The following OGFOD3 variants were observed in gnomAD, a reference collection of about 807,000 sequenced individuals.
OGFOD3 encodes 2-oxoglutarate and iron-dependent oxygenase domain-containing protein 3.
Under a neutral mutation model 39.8 loss-of-function variants are expected in OGFOD3, and 35 were observed. The observed-to-expected ratio is 0.88, with a 90% confidence interval of 0.67 to 1.17. The LOEUF is 1.17. Ranked by LOEUF, OGFOD3 falls within the 50% of genes most tolerant of loss-of-function variation. The pLI is 0.00. For synonymous variants in OGFOD3, 200 were observed against 192.0 expected (o/e 1.04, Z -0.34); for missense variants, 438 against 454.5 (o/e 0.96, Z 0.33).
chr17:82,394,151 A>G (rs575398920), intron 8 of OGFOD3, among the ~76,000 whole-genome samples: 150 of 151,634 alleles, frequency 9.9e-4, no homozygotes, highest in African/African-American at 3.5e-3. Flanking sequence ...CACCACGCCC[A>G]GCTAATTTTT....
chr17:82,407,214 G>A (rs1190009098), intron 4 of OGFOD3, among the ~76,000 whole-genome samples: 9 of 151,690 alleles, frequency 5.9e-5, no homozygotes, highest in South Asian at 2.1e-4. Flanking sequence ...GCAGCGAGCC[G>A]AGATCGTGCC....
Position 82,403,102 on chromosome 17 carries a change from G to C in OGFOD3, c.699+835C>G, listed in dbSNP as rs1214665074. Among the ~76,000 whole-genome samples the C allele has an allele frequency of 2.6e-5, 4 of 152,166 alleles. No individual in the cohort carries two copies. The South Asian group carries it at 8.3e-4, about 32-fold the overall frequency. Reference sequence around the variant, plus strand: ...GAAAGATAGAAAGTGGTAAAAGAAGGCTCCCAGAGACAACACAGAGACCTG... The same window carrying C: ...GAAAGATAGAAAGTGGTAAAAGAAGCCTCCCAGAGACAACACAGAGACCTG... On this transcript the variant is annotated intron_variant, in intron 7 of 8. Transcript: ENST00000313056.
chr17:82,412,338 A>T (rs1236673073), intron 2 of OGFOD3, among the ~76,000 whole-genome samples: 1 of 99,566 alleles, frequency 1.0e-5, no homozygotes, highest in Non-Finnish European at 2.0e-5. Context: ...GGGCATGGTT[A>T]TCGGGGCAGG....
intron 2 of OGFOD3, among the ~76,000 whole-genome samples, chr17:82,411,998 A>G (rs1312072314): frequency 6.6e-6 from 1 of 151,620 alleles, no homozygotes; most frequent in Non-Finnish European, 1.5e-5. Context: ...TGAGACCACC[A>G]GAGCAGAAAA....
At chr17:82,394,358 G>C in intron 8 of OGFOD3, 8 of 1,573,880 alleles carry the variant, frequency 5.1e-6, no homozygotes, top group Non-Finnish European at 6.9e-6. Context: ...GACTCAGCAC[G>C]GCAACCAAGG....
intron 7 of OGFOD3, among the ~76,000 whole-genome samples, chr17:82,398,886 C>CT (rs112854665): frequency 0.32 from 46,331 of 142,578 alleles, 8,255 homozygotes; most frequent in Non-Finnish European, 0.37. Flanking sequence ...TTTTTCTTTT[C>CT]TATTTTTTTT....
intron 2 of OGFOD3, among the ~76,000 whole-genome samples, chr17:82,413,138 C>T (rs2052979515): frequency 6.6e-6 from 1 of 152,158 alleles, no homozygotes; most frequent in African/African-American, 2.4e-5. Context: ...TCATTTTATG[C>T]TTTTTTATAA....
intron 3 of OGFOD3, 59 bp downstream of exon 3, chr17:82,411,396 C>G: frequency 6.7e-7 from 1 of 1,485,962 alleles, no homozygotes. Flanking sequence ...GCTTCCCGCC[C>G]TAGCCCCACT....
At chr17:82,394,831 CCAGCCCCCCAGT>C (rs1304674850) in intron 8 of OGFOD3, among the ~76,000 whole-genome samples, 1 of 152,188 alleles carries the variant, frequency 6.6e-6, no homozygotes. Context: ...GCCTGCACCA[CCAGCCCCCCAGT>C]AAAAACCCTG....
rs1415738259 is a variant in OGFOD3 at position 82,411,310 on chromosome 17, G to C, written c.380+145C>G. The C allele has an allele frequency of 4.4e-6, 3 of 684,494 alleles. No homozygotes were observed. In the African/African-American group the frequency reaches 5.4e-5, roughly 12 times the overall value. The allele number at this position is 684,494 out of a possible 1,614,324, so 42.4% of individuals were successfully genotyped here. A position where few individuals can be genotyped will look rare whatever the true frequency, so the allele number is the denominator to read the frequency against. On this transcript the variant is annotated intron_variant, in intron 3 of 8. Coordinates refer to ENST00000313056, the MANE Select transcript of OGFOD3 (RefSeq NM_024648.3). Reference sequence around the variant, plus strand: ...AATCTGCCCGCCTCAGCCTCCCCAAGTGCTGGGATTACAGGCGTGAGCCAC... The same window carrying C: ...AATCTGCCCGCCTCAGCCTCCCCAACTGCTGGGATTACAGGCGTGAGCCAC...
intron 7 of OGFOD3, 76 bp downstream of exon 7, chr17:82,403,861 C>G: frequency 3.3e-6 from 5 of 1,511,102 alleles, no homozygotes; most frequent in Non-Finnish European, 4.4e-6. Context: ...ACCCTGCCCA[C>G]GTGCGCACTC....
At chr17:82,410,354 T>A (rs758929496) in intron 3 of OGFOD3, among the ~76,000 whole-genome samples, 21 of 152,256 alleles carry the variant, frequency 1.4e-4, no homozygotes, top group Non-Finnish European at 2.2e-4. Context: ...CCATTCCACA[T>A]GCTTATCGTC....
intron 2 of OGFOD3, among the ~76,000 whole-genome samples, chr17:82,414,221 T>G (rs8074406): frequency 0.031 from 4,657 of 152,210 alleles, 198 homozygotes; most frequent in African/African-American, 0.097. Context: ...CTGACCTCCT[T>G]ACCTCCCAAC....
intron 7 of OGFOD3, among the ~76,000 whole-genome samples, chr17:82,400,533 G>A (rs1390042424): frequency 6.6e-6 from 1 of 152,112 alleles, no homozygotes; most frequent in African/African-American, 2.4e-5. Context: ...GACAGAATGC[G>A]GTATTCTTAT....
chr17:82,404,001 G>A lies in OGFOD3; in HGVS notation c.635C>T (p.Ser212Phe). The change falls in exon 7 of 9, where the codon TCC (serine) becomes TTC (phenylalanine). Residue 212 changes from serine (S) to phenylalanine (F), a missense_variant. Coordinates refer to ENST00000313056, the MANE Select transcript of OGFOD3 (RefSeq NM_024648.3). This position sits in a 1 kb window ranked among gnomAD's most constrained non-coding sequence, Gnocchi z 4.5. ...CCGCGCTTCCGTGCTGTTTATGCGG[G>A]AGAAGAAGGTGGGCTTGGTCAGATG... ...SLHLTKPTFF[S>F]RINSTEARTA... 2 of 1,611,224 alleles carry A rather than the reference G, an allele frequency of 1.2e-6. No individual in the cohort carries two copies. Among genetic ancestry groups the A allele is most frequent in the Non-Finnish European group, 1.7e-6 (2 of 1,178,968 alleles).
In OGFOD3 at chr17:82,392,511, C is replaced by A; in HGVS notation, c.847G>T (p.Gly283Trp). The change falls in exon 9 of 9, where the codon GGG becomes TGG. Residue 283 changes from glycine (G) to tryptophan (W), a missense_variant. Physicochemically the swap from Gly to Trp is radical, Grantham distance 184. Coordinates refer to ENST00000313056, the MANE Select transcript of OGFOD3 (RefSeq NM_024648.3). The surrounding 1 kb of genome is among the most constrained non-coding windows in gnomAD (Gnocchi z 4.2). ...RAGRVSFFTS[G>W]SENLHRVEKV... ...TCCACGCGGTGTAGGTTCTCGGACC[C>A]CGAGGTGAAGAAGGAGACGCGACCT... 6.3e-7 allele frequency: 1 copy of A among 1,597,890 alleles called. No homozygotes were observed. The highest frequency in any genetic ancestry group is 2.3e-5 in the East Asian group (1 of 44,056).
Position 82,401,807 on chromosome 17 carries a change from A to AAAAAAAAAAAAAACAAAAC in OGFOD3, c.699+2129_699+2130insGTTTTGTTTTTTTTTTTTT, listed in dbSNP as rs1430986580. 2.1e-3 allele frequency among the ~76,000 whole-genome samples: 310 copies of AAAAAAAAAAAAAACAAAAC among 145,794 alleles called. 4 individuals are homozygous for AAAAAAAAAAAAAACAAAAC. Among genetic ancestry groups the AAAAAAAAAAAAAACAAAAC allele is most frequent in the African/African-American group, 7.6e-3 (294 of 38,940 alleles). The stretch of plus-strand genomic sequence containing the variant: ...TGGCAGAGCAAGACTCCATCTCAAA[A>AAAAAAAAAAAAAACAAAAC]AAAAAAAAAAAAAAAACAAAGACTG... On this transcript the variant is annotated intron_variant, in intron 7 of 8. Transcript: ENST00000313056.
rs2052813433 is a variant in OGFOD3 at position 82,404,084 on chromosome 17, C to T, written c.552G>A (p.Val184=). The change falls in exon 7 of 9, where the codon GTG becomes GTA. Residue 184 remains valine, a synonymous_variant. Coordinates refer to ENST00000313056, the MANE Select transcript of OGFOD3 (RefSeq NM_024648.3). The surrounding 1 kb of genome is among the most constrained non-coding windows in gnomAD (Gnocchi z 4.5). ...SEEDFRLYRE[V]RQKVQLTIAE... is the part of the protein sequence containing the mutation. ...CAATGGTGAGCTGGACCTTCTGCCG[C>T]ACCTCCCTGCAGAGGACACAATAGC... 1 of 1,593,412 alleles carries T rather than the reference C, an allele frequency of 6.3e-7. No individual in the cohort carries two copies. The highest frequency in any genetic ancestry group is 1.7e-5 in the Admixed American group (1 of 58,138).
At position 82,392,294 on chromosome 17, in the gene OGFOD3, A is replaced by G; in HGVS notation, c.*104T>C. The G allele has an allele frequency of 8.0e-7, 1 of 1,251,508 alleles. No individual in the cohort carries two copies. Among genetic ancestry groups the G allele is most frequent in the African/African-American group, 1.5e-5 (1 of 66,516 alleles). 77.5% of individuals were successfully genotyped at this position (1,251,508 alleles called of 1,614,324 possible). A position where few individuals can be genotyped will look rare whatever the true frequency, so the allele number is the denominator to read the frequency against. Reference sequence around the variant, plus strand: ...GCAAATCAAAATCAGAGAATTCCTAAGGCACTCTGTGCAACAGGAGCGGGT... The same window carrying G: ...GCAAATCAAAATCAGAGAATTCCTAGGGCACTCTGTGCAACAGGAGCGGGT... On this transcript the variant is annotated 3_prime_UTR_variant, in exon 9 of 9. Transcript: ENST00000313056. This position sits in a 1 kb window ranked among gnomAD's most constrained non-coding sequence, Gnocchi z 4.2.
Sources: gnomAD v4.1 joint callset for allele counts (sites outside exome capture counted in the v4.1 genomes callset) on GRCh38, gnomAD v4.1.1 for gene constraint, Gnocchi (gnomAD v3.1) non-coding constraint, MANE v1.5 for transcripts, NCBI Gene and HGNC (gene_info 2026-07-23, HGNC 2026-07-21) for gene names.